The following KLC2 variants were observed in gnomAD, a reference collection of about 807,000 sequenced individuals.
KLC2 encodes the protein KLC 2.
A neutral mutation model predicts 75.1 loss-of-function variants in KLC2; 35 were observed. That is an observed-to-expected ratio of 0.47 (90% CI 0.36 to 0.62). KLC2 has a LOEUF of 0.62. Ranked by LOEUF, KLC2 falls within the 20% of genes least tolerant of loss-of-function variation. The pLI is 0.00. For missense variants in KLC2, 611 were observed against 833.2 expected, an observed-to-expected ratio of 0.73 and a Z score of 3.28; for synonymous variants, 314 against 336.7, an observed-to-expected ratio of 0.93 and a Z score of 0.74.
chr11:66,264,544 T>C, intron 9 of KLC2, 100 bp downstream of exon 9: 2 of 905,836 alleles, frequency 2.2e-6, no homozygotes, highest in Non-Finnish European at 3.6e-6. Flanking sequence ...GCCCTCAGGC[T>C]TTGGCCTGGC....
chr11:66,254,924 CA>C (rs771208631), upstream of KLC2, among the ~76,000 whole-genome samples: 174 of 139,932 alleles, frequency 1.2e-3, no homozygotes, highest in African/African-American at 1.4e-3. Flanking sequence ...GACTCCATCT[CA>C]AAAAAAAAAA....
intron 13 of KLC2, 33 bp from the exon 14 acceptor site, chr11:66,266,060 G>A (rs903656690): frequency 1.9e-6 from 3 of 1,613,724 alleles, no homozygotes; most frequent in African/African-American, 2.7e-5. Context: ...TAGGTGGCCA[G>A]CGGGGCCTAG....
At chr11:66,255,204 G>A (rs145397669), upstream of KLC2, among the ~76,000 whole-genome samples, 576 of 152,330 alleles carry the variant, frequency 3.8e-3, 5 homozygotes, top group African/African-American at 0.013. Flanking sequence ...TATATATTTT[G>A]AGACAGGGTC....
chr11:66,264,112 C>A lies in KLC2; in HGVS notation c.1009C>A (p.Gln337Lys). The A allele has an allele frequency of 6.2e-7, 1 of 1,603,028 alleles. No individual in the cohort carries two copies. Among genetic ancestry groups the A allele is most frequent in the Middle Eastern group, 1.7e-4 (1 of 6,048 alleles). The change falls in exon 8 of 16, where the codon CAG becomes AAG. Residue 337 changes from glutamine (Q) to lysine (K), a missense_variant. By Grantham distance (53) the Gln-to-Lys change is moderately conservative. Coordinates refer to ENST00000394067, the MANE Select transcript of KLC2 (RefSeq NM_001318734.2). ...LSNLALLCQN[Q>K]GKAEEVEYYY... is the part of the protein sequence containing the mutation. The stretch of plus-strand genomic sequence containing the variant: ...CAACCTGGCCCTGCTGTGCCAGAAC[C>A]AGGGCAAAGCTGAGGAGGTGGAATA...
chr11:66,258,240 A>AG (rs1364680101), intron 1 of KLC2: 1 of 226,150 alleles, frequency 4.4e-6, no homozygotes, highest in African/African-American at 2.3e-5. Context: ...GGATCGCCGG[A>AG]GGGGCCAGGG....
Position 66,267,075 on chromosome 11 carries a change from T to G in KLC2, c.*119T>G. The G allele has an allele frequency of 6.4e-7, 1 of 1,553,434 alleles. No homozygotes were observed. The highest frequency in any genetic ancestry group is 8.7e-7 in the Non-Finnish European group (1 of 1,149,432). ...CTCCCACAGCCCCTGTCTTTTCTGTTCAATCTCAGGGTAACCTTCTCCCTT... is the reference window on the plus strand; with the variant it reads ...CTCCCACAGCCCCTGTCTTTTCTGTGCAATCTCAGGGTAACCTTCTCCCTT... On this transcript the variant is annotated 3_prime_UTR_variant, in exon 16 of 16. Transcript: ENST00000394067.
rs1856939814 is a variant in KLC2 at position 66,267,673 on chromosome 11, G to T, written c.*717G>T. ...GCCCCTCCCACCCGGCCCCGCCCAG[G>T]CACGGCCGACCCCGCCCCGGGCACC... On this transcript the variant is annotated 3_prime_UTR_variant, in exon 16 of 16. Coordinates refer to ENST00000394067, the MANE Select transcript of KLC2 (RefSeq NM_001318734.2). 1.9e-6 allele frequency: 1 copy of T among 520,044 alleles called. No homozygotes were observed. The allele number at this position is 520,044 out of a possible 1,614,324, so 32.2% of individuals were successfully genotyped here.
Position 66,263,685 on chromosome 11 carries a change from G to T in KLC2, c.778G>T (p.Ala260Ser). The T allele has an allele frequency of 1.9e-6, 3 of 1,613,924 alleles. No homozygotes were observed. Among genetic ancestry groups the T allele is most frequent in the Non-Finnish European group, 2.5e-6 (3 of 1,179,814 alleles). Reference sequence around the variant, plus strand: ...GGATCAGAACAAGTACAAGGAGGCTGCCCACCTGCTCAATGATGCTCTGGC... The same window carrying T: ...GGATCAGAACAAGTACAAGGAGGCTTCCCACCTGCTCAATGATGCTCTGGC... ...YRDQNKYKEA[A>S]HLLNDALAIR... is the part of the protein sequence containing the mutation. The change falls in exon 6 of 16, where the codon GCC becomes TCC. Residue 260 changes from alanine (A) to serine (S), a missense_variant. By Grantham distance (99) the Ala-to-Ser change is moderately conservative. Transcript: ENST00000394067.
At chr11:66,266,037 C>A (rs377585086) in intron 13 of KLC2, 25 bp downstream of exon 13, 65 of 1,613,250 alleles carry the variant, frequency 4.0e-5, no homozygotes, top group Non-Finnish European at 5.1e-5. Flanking sequence ...TGGGCCGGGT[C>A]GGGCTGGGAG....
At chr11:66,251,239 C>A in the KLC2 span, among the ~76,000 whole-genome samples, 1 of 82,990 alleles carries the variant, frequency 1.2e-5, no homozygotes, top group African/African-American at 3.5e-5. Flanking sequence ...TGCCTGTAAT[C>A]CCAGCACTCT....
chr11:66,255,276 C>T (rs971063362), upstream of KLC2, among the ~76,000 whole-genome samples: 9 of 152,258 alleles, frequency 5.9e-5, no homozygotes, highest in East Asian at 1.5e-3. Flanking sequence ...CTGCAACCTC[C>T]ACCTCCTGGC....
the KLC2 span, among the ~76,000 whole-genome samples, chr11:66,246,623 T>G: frequency 1.2e-4 from 18 of 152,272 alleles, no homozygotes; most frequent in African/African-American, 4.1e-4. Flanking sequence ...GACCAGAGAC[T>G]TCCAGATTCT....
upstream of KLC2, chr11:66,257,253 A>G (rs370667302): frequency 6.6e-6 from 1 of 152,110 alleles, no homozygotes; most frequent in African/African-American, 2.4e-5. Flanking sequence ...TGCATCCCCC[A>G]CCGGATGTGA....
chr11:66,258,936 C>T, intron 2 of KLC2, 114 bp downstream of exon 2: 2 of 728,920 alleles, frequency 2.7e-6, no homozygotes, highest in East Asian at 5.4e-5. Flanking sequence ...TTCCTGGAGC[C>T]CCATGTTAGG....
At position 66,258,960 on chromosome 11, in the gene KLC2, C is replaced by G. The variant is rs1191190878; in HGVS notation, c.228+138C>G. ...CCCCATGTTAGGACCCCAGTAAATACCTTTTGAAGAAATAAATGCACTTTG... is the reference window on the plus strand; with the variant it reads ...CCCCATGTTAGGACCCCAGTAAATAGCTTTTGAAGAAATAAATGCACTTTG... On this transcript the variant is annotated intron_variant, in intron 2 of 15. Transcript: ENST00000394067. 4.7e-6 allele frequency: 3 copies of G among 638,354 alleles called. No homozygotes were observed. In the East Asian group the frequency reaches 8.3e-5, roughly 18 times the overall value. 39.5% of individuals were successfully genotyped at this position (638,354 alleles called of 1,614,324 possible).
chr11:66,267,344 G>C lies in KLC2; in HGVS notation c.*388G>C. The C allele has an allele frequency of 1.3e-6, 1 of 751,990 alleles. No homozygotes were observed. Among genetic ancestry groups the C allele is most frequent in the Non-Finnish European group, 2.4e-6 (1 of 416,870 alleles). 46.6% of individuals were successfully genotyped at this position (751,990 alleles called of 1,614,324 possible). ...AACCCGGCCGTTGCTTCTGTATATAGAGAAATAAGTTATTGGCCGCGCGCC... is the reference window on the plus strand; with the variant it reads ...AACCCGGCCGTTGCTTCTGTATATACAGAAATAAGTTATTGGCCGCGCGCC... On this transcript the variant is annotated 3_prime_UTR_variant, in exon 16 of 16. Coordinates refer to ENST00000394067, the MANE Select transcript of KLC2 (RefSeq NM_001318734.2).
At chr11:66,248,531 C>T in the KLC2 span, among the ~76,000 whole-genome samples, 1 of 152,114 alleles carries the variant, frequency 6.6e-6, no homozygotes, top group African/African-American at 2.4e-5. Flanking sequence ...GCAAGAAAAT[C>T]GCTTGAACCC....
Position 66,262,260 on chromosome 11 carries a change from T to G in KLC2, c.529+68T>G, listed in dbSNP as rs1030387899. Reference sequence around the variant, plus strand: ...TGAACTCTTGGTCCTTGGGACCGAGTGGCTGCCATGTTCCTTCCTGCCTCA... The same window carrying G: ...TGAACTCTTGGTCCTTGGGACCGAGGGGCTGCCATGTTCCTTCCTGCCTCA... On this transcript the variant is annotated intron_variant, in intron 4 of 15. Coordinates refer to ENST00000394067, the MANE Select transcript of KLC2 (RefSeq NM_001318734.2). The G allele has an allele frequency of 5.6e-6, 7 of 1,245,518 alleles. No individual in the cohort carries two copies. In the African/African-American group the frequency reaches 1.0e-4, roughly 18 times the overall value. 77.2% of individuals were successfully genotyped at this position (1,245,518 alleles called of 1,614,324 possible).
Position 66,258,875 on chromosome 11 carries a change from C to A in KLC2, c.228+53C>A, listed in dbSNP as rs537778778. On this transcript the variant is annotated intron_variant, in intron 2 of 15. Transcript: ENST00000394067. ...GAGGTCACTGGAGGGATCGAGCCTT[C>A]AAGAGGAATCCGGTAATGTAGGAGA... The A allele has an allele frequency of 8.6e-5, 108 of 1,255,800 alleles. No individual in the cohort carries two copies. The African/African-American group carries it at 1.5e-3, about 17-fold the overall frequency. The allele number at this position is 1,255,800 out of a possible 1,614,324, so 77.8% of individuals were successfully genotyped here. A position where few individuals can be genotyped will look rare whatever the true frequency, so the allele number is the denominator to read the frequency against.
Sources: gnomAD v4.1 joint callset for allele counts (sites outside exome capture counted in the v4.1 genomes callset) on GRCh38, gnomAD v4.1.1 for gene constraint, MANE v1.5 for transcripts, NCBI Gene and HGNC (gene_info 2026-07-23, HGNC 2026-07-21) for gene names.